The following PPP1R21 variants were observed in gnomAD, a reference collection of about 807,000 sequenced individuals.
The protein encoded by PPP1R21 is protein phosphatase 1 regulatory subunit 21.
PPP1R21 carries 85 observed loss-of-function variants against 112.8 expected under a neutral mutation model. The ratio of observed to expected loss-of-function variants is 0.75; its 90% confidence interval spans 0.63 to 0.90. The LOEUF is 0.90. Ranked by LOEUF, PPP1R21 falls within the 40% of genes least tolerant of loss-of-function variation. The pLI, the probability that PPP1R21 is intolerant of heterozygous loss-of-function variation, is 0.00. For missense variants in PPP1R21, 1,199 were observed against 901.5 expected (o/e 1.33, Z -4.23); for synonymous variants, 381 against 322.3 (o/e 1.18, Z -1.95).
In PPP1R21 at chr2:48,465,613, A is replaced by G. The variant is rs1668166002; in HGVS notation, c.868A>G (p.Ile290Val). The change falls in exon 9 of 22, where the codon ATT becomes GTT. Residue 290 changes from isoleucine to valine, a missense_variant. Coordinates refer to ENST00000294952, the MANE Select transcript of PPP1R21 (RefSeq NM_001135629.3). ...RIQIFPVDSA[I>V]DTISPLNQKF... ...TCAAATTTTTCCTGTTGATTCTGCC[A>G]TTGACACTATATCTCCATTGAATCA... The G allele has an allele frequency of 6.2e-7, 1 of 1,613,438 alleles. No individual in the cohort carries two copies. The highest frequency in any genetic ancestry group is 8.5e-7 in the Non-Finnish European group (1 of 1,179,822).
At position 48,458,223 on chromosome 2, in the gene PPP1R21, T is replaced by A. The variant is rs1209827936; in HGVS notation, c.371T>A (p.Ile124Lys). 1.2e-6 allele frequency: 2 copies of A among 1,602,868 alleles called. No homozygotes were observed. Among genetic ancestry groups the A allele is most frequent in the Non-Finnish European group, 1.7e-6 (2 of 1,170,896 alleles). Residue 124 changes from isoleucine to lysine, a missense_variant, in exon 4 of 22, where the codon ATA becomes AAA. Ile to Lys is a moderately radical substitution (Grantham distance 102). Coordinates refer to ENST00000294952, the MANE Select transcript of PPP1R21 (RefSeq NM_001135629.3). ...KKIEENERLH[I>K]QFFEADEQHK... Reference sequence around the variant, plus strand: ...ATAGAAGAGAATGAACGGTTGCATATACAAGTGAGAAAATCTGTTTTTCTA... The same window carrying A: ...ATAGAAGAGAATGAACGGTTGCATAAACAAGTGAGAAAATCTGTTTTTCTA...
intron 17 of PPP1R21, among the ~76,000 whole-genome samples, chr2:48,499,492 G>T (rs1167478979): frequency 6.6e-6 from 1 of 152,176 alleles, no homozygotes; most frequent in Non-Finnish European, 1.5e-5. Context: ...GGAAGCTGAG[G>T]TGGGTGAATC....
chr2:48,503,271 A>G (rs753992168), intron 17 of PPP1R21, among the ~76,000 whole-genome samples: 15 of 152,216 alleles, frequency 9.9e-5, no homozygotes, highest in South Asian at 2.1e-4. Context: ...TAAATTTCAT[A>G]TATAGTTGAC....
intron 1 of PPP1R21, among the ~76,000 whole-genome samples, chr2:48,442,654 C>G (rs1412441044): frequency 1.3e-5 from 2 of 152,062 alleles, no homozygotes; most frequent in Non-Finnish European, 2.9e-5. Flanking sequence ...CTACCGAAGA[C>G]ATTGGATAAG....
chr2:48,491,191 A>G (rs768318433), intron 15 of PPP1R21, 21 bp downstream of exon 15: 4 of 1,603,472 alleles, frequency 2.5e-6, no homozygotes, highest in South Asian at 1.1e-5. Context: ...TGCTGTTAAT[A>G]TTTAAATCAG....
At chr2:48,453,980 C>G (rs888611200) in intron 2 of PPP1R21, among the ~76,000 whole-genome samples, 3 of 151,952 alleles carry the variant, frequency 2.0e-5, no homozygotes, top group Middle Eastern at 3.4e-3. Flanking sequence ...TAAGTTTGGC[C>G]AGGCATGGTG....
intron 7 of PPP1R21, among the ~76,000 whole-genome samples, 182 bp downstream of exon 7, chr2:48,461,414 C>T (rs947937079): frequency 6.6e-6 from 1 of 152,054 alleles, no homozygotes; most frequent in Non-Finnish European, 1.5e-5. Context: ...TTTAAATTGT[C>T]ATATAACTAC....
At chr2:48,493,319 A>G (rs547634148) in intron 15 of PPP1R21, among the ~76,000 whole-genome samples, 1 of 152,162 alleles carries the variant, frequency 6.6e-6, no homozygotes, top group East Asian at 1.9e-4. Context: ...CTATTTTTAA[A>G]TAAATGTTTC....
intron 11 of PPP1R21, among the ~76,000 whole-genome samples, chr2:48,472,677 G>T (rs772308419): frequency 6.6e-5 from 10 of 151,990 alleles, no homozygotes; most frequent in Non-Finnish European, 1.2e-4. Context: ...GGCCAGGCAT[G>T]GTGGCACATG....
At chr2:48,451,738 T>TTTC (rs1667474721) in intron 2 of PPP1R21, among the ~76,000 whole-genome samples, 1 of 152,176 alleles carries the variant, frequency 6.6e-6, no homozygotes, top group Admixed American at 6.5e-5. Context: ...TTCAGTTAAA[T>TTTC]ATACTGTCTA....
intron 13 of PPP1R21, 74 bp from the exon 14 acceptor site, chr2:48,486,557 A>G: frequency 8.9e-7 from 1 of 1,118,472 alleles, no homozygotes; most frequent in Non-Finnish European, 1.3e-6. Context: ...TAGATAGGAG[A>G]AGTGAATGGG....
chr2:48,502,528 C>G (rs145244064), intron 17 of PPP1R21, among the ~76,000 whole-genome samples: 57 of 152,126 alleles, frequency 3.7e-4, no homozygotes, highest in African/African-American at 1.3e-3. Flanking sequence ...GTCTTTGTGT[C>G]TTTTCTGTCT....
chr2:48,464,559 G>T (rs184674376), intron 7 of PPP1R21, among the ~76,000 whole-genome samples: 1 of 152,178 alleles, frequency 6.6e-6, no homozygotes, highest in Non-Finnish European at 1.5e-5. Flanking sequence ...GAAAACAGTG[G>T]TATTTTTTGC....
chr2:48,507,358 CAGTA>C lies in PPP1R21; in HGVS notation c.2062_2065del (p.Lys688GlnfsTer25). On this transcript the variant is annotated frameshift_variant, in exon 19 of 22. Transcript: ENST00000294952. LOFTEE classifies it high-confidence loss of function. ...TTACGTCTCAGTTGCAGCTGGCTGACAGTAAGTCAGTGCATTTTTATGCCGAGGT... is the reference window on the plus strand; with the variant it reads ...TTACGTCTCAGTTGCAGCTGGCTGACAGTCAGTGCATTTTTATGCCGAGGT... 6.3e-7 allele frequency: 1 copy of C among 1,597,180 alleles called. No homozygotes were observed. Among genetic ancestry groups the C allele is most frequent in the African/African-American group, 1.4e-5 (1 of 73,730 alleles).
intron 4 of PPP1R21, 110 bp from the exon 5 acceptor site, chr2:48,459,640 TAGTC>T: frequency 1.8e-6 from 2 of 1,135,920 alleles, no homozygotes; most frequent in Non-Finnish European, 2.5e-6. Flanking sequence ...GGGTTTAACA[TAGTC>T]AGCATATGGA....
chr2:48,460,737 A>G (rs527539791), intron 6 of PPP1R21, among the ~76,000 whole-genome samples: 18 of 145,620 alleles, frequency 1.2e-4, no homozygotes, highest in African/African-American at 4.4e-4. Flanking sequence ...GTTCAAGGGG[A>G]AAAGAAGGCT....
At chr2:48,488,553 G>A (rs934238061) in intron 14 of PPP1R21, among the ~76,000 whole-genome samples, 1 of 151,954 alleles carries the variant, frequency 6.6e-6, no homozygotes, top group Non-Finnish European at 1.5e-5. Context: ...TGTATTTTTA[G>A]TAGAGACGGG....
intron 13 of PPP1R21, among the ~76,000 whole-genome samples, chr2:48,486,065 A>G (rs1669280570): frequency 6.6e-6 from 1 of 151,134 alleles, no homozygotes; most frequent in Non-Finnish European, 1.5e-5. Context: ...ACAGGCCTTT[A>G]TTGTACTATT....
chr2:48,479,994 T>C lies in PPP1R21; in HGVS notation c.1296T>C (p.His432=). Residue 432 remains histidine, a synonymous_variant, in exon 13 of 22, where the codon CAT becomes CAC. Transcript: ENST00000294952. ...TAACAAATGTTGGTGCTGCTCTGCA[T>C]GGATTTCATGACGTTATGAAAGGTA... is the stretch of plus-strand genomic sequence containing the variant. The part of the protein sequence containing the change: ...SVLTNVGAAL[H]GFHDVMKDIS... 5 of 1,612,204 alleles carry C rather than the reference T, an allele frequency of 3.1e-6. No individual in the cohort carries two copies. Among genetic ancestry groups the C allele is most frequent in the East Asian group, 2.2e-5 (1 of 44,874 alleles).
Sources: gnomAD v4.1 joint callset for allele counts (sites outside exome capture counted in the v4.1 genomes callset) on GRCh38, gnomAD v4.1.1 for gene constraint, MANE v1.5 for transcripts, NCBI Gene and HGNC (gene_info 2026-07-23, HGNC 2026-07-21) for gene names.